Variants in ANK3 observed in about 807,000 individuals in gnomAD.
ANK3 encodes ankyrin-3.
ANK3 carries 57 observed loss-of-function variants against 370.9 expected under a neutral mutation model. The observed-to-expected ratio is 0.15, with a 90% CI of 0.12 to 0.19. The LOEUF is 0.19. Ranked by LOEUF, ANK3 falls within the 10% of genes least tolerant of loss-of-function variation. ANK3 has a pLI of 1.00. For synonymous variants in ANK3, 1,929 were observed against 1,946.3 expected (o/e 0.99, Z 0.23); for missense variants, 4,439 against 5,302.1 (o/e 0.84, Z 5.06).
intron 23 of ANK3, among the ~76,000 whole-genome samples, chr10:60,157,039 C>CTTTTT (rs201585529): frequency 7.0e-5 from 10 of 142,326 alleles, no homozygotes; most frequent in Non-Finnish European, 7.6e-5. Flanking sequence ...CTCAATGAAT[C>CTTTTT]TTTTTTTTTT....
At chr10:60,172,062 T>A (rs2095805870) in intron 21 of ANK3, among the ~76,000 whole-genome samples, 1 of 152,236 alleles carries the variant, frequency 6.6e-6, no homozygotes, top group Non-Finnish European at 1.5e-5. Context: ...TACATTTAGC[T>A]GTATATGGAA....
At chr10:60,591,453 C>T (rs1316951656) in intron 2 of ANK3, among the ~76,000 whole-genome samples, 1 of 151,880 alleles carries the variant, frequency 6.6e-6, no homozygotes, top group African/African-American at 2.4e-5. Flanking sequence ...AAATATTCTT[C>T]AAATGGATGA....
intron 2 of ANK3, among the ~76,000 whole-genome samples, chr10:60,407,717 G>T (rs1355601137): frequency 6.6e-6 from 1 of 152,144 alleles, no homozygotes. Context: ...GAGATTAAAT[G>T]ACTTTCACAT....
chr10:60,225,628 G>A (rs563761144), intron 8 of ANK3, among the ~76,000 whole-genome samples: 3 of 152,164 alleles, frequency 2.0e-5, no homozygotes, highest in African/African-American at 7.2e-5. Flanking sequence ...ATATATAGGA[G>A]GGAAAATACA....
intron 7 of ANK3, among the ~76,000 whole-genome samples, chr10:60,247,432 A>G (rs1244538942): frequency 6.6e-6 from 1 of 152,204 alleles, no homozygotes; most frequent in Non-Finnish European, 1.5e-5. Flanking sequence ...GTTCAGCAGC[A>G]TTAAGTACAC....
In ANK3 at chr10:60,650,657, G is replaced by A. The variant is rs183161157; in HGVS notation, c.58-35433C>T. The stretch of plus-strand genomic sequence containing the variant: ...CTTTGAATTAGAGGATGGAGAGACT[G>A]CTTTGTAGACCAGACACTAATCTAA... On this transcript the variant is annotated intron_variant, in intron 1 of 43. Coordinates refer to the ANK3 transcript ENST00000373827. 9.8e-5 allele frequency among the ~76,000 whole-genome samples: 15 copies of A among 152,314 alleles called. No homozygotes were observed. The East Asian group carries it at 2.3e-3, about 24-fold the overall frequency.
chr10:60,036,266 GGCT>G (rs1288623054), intron 43 of ANK3, among the ~76,000 whole-genome samples: 1 of 152,000 alleles, frequency 6.6e-6, no homozygotes, highest in East Asian at 1.9e-4. Flanking sequence ...AGCCATCACT[GGCT>G]GCTGCTGCTT....
chr10:60,094,497 C>T (rs951435223), intron 28 of ANK3, among the ~76,000 whole-genome samples: 1 of 152,062 alleles, frequency 6.6e-6, no homozygotes, highest in African/African-American at 2.4e-5. Flanking sequence ...CCCAGCCTCT[C>T]TGGTTTCTTA....
At chr10:60,347,953 G>A (rs2055998729) in intron 1 of ANK3, among the ~76,000 whole-genome samples, 1 of 152,056 alleles carries the variant, frequency 6.6e-6, no homozygotes, top group African/African-American at 2.4e-5. Flanking sequence ...GCATCAGATG[G>A]GCTCTGAGTC....
intron 2 of ANK3, among the ~76,000 whole-genome samples, chr10:60,555,448 G>A (rs2077184975): frequency 6.6e-6 from 1 of 151,650 alleles, no homozygotes; most frequent in Non-Finnish European, 1.5e-5. Flanking sequence ...ATTGCAGCCT[G>A]AGTAACAGAG....
intron 2 of ANK3, among the ~76,000 whole-genome samples, chr10:60,528,001 G>A (rs1025596644): frequency 1.8e-4 from 28 of 152,052 alleles, no homozygotes; most frequent in Non-Finnish European, 2.6e-4. Context: ...CAGATTAAAC[G>A]AAAGTCTAGA....
chr10:60,503,112 G>A (rs1400241392), intron 2 of ANK3, among the ~76,000 whole-genome samples: 1 of 152,152 alleles, frequency 6.6e-6, no homozygotes, highest in African/African-American at 2.4e-5. Flanking sequence ...CAAGTAGGTT[G>A]AATGGATTCT....
chr10:60,039,581 T>C (rs1268927841), intron 43 of ANK3, among the ~76,000 whole-genome samples: 1 of 152,224 alleles, frequency 6.6e-6, no homozygotes, highest in Admixed American at 6.5e-5. Context: ...GATCAAATAC[T>C]ATTTATTAAT....
Position 60,029,363 on chromosome 10 carries a change from A to T in ANK3, c.*483T>A, listed in dbSNP as rs2072766964. 1 of 152,580 alleles carries T rather than the reference A, an allele frequency of 6.6e-6. No individual in the cohort carries two copies. The allele number at this position is 152,580 out of a possible 1,614,324, so 9.5% of individuals were successfully genotyped here. A position where few individuals can be genotyped will look rare whatever the true frequency, so the allele number is the denominator to read the frequency against. On this transcript the variant is annotated 3_prime_UTR_variant, in exon 44 of 44. Coordinates refer to ENST00000280772, the MANE Select transcript of ANK3 (RefSeq NM_020987.5). ...TTATACAGTGTTATTATTTACAGCA[A>T]AACTATCGATGTTTTAAAAAAGAAA...
chr10:60,609,514 C>T (rs1459869989), intron 2 of ANK3, among the ~76,000 whole-genome samples: 2 of 141,184 alleles, frequency 1.4e-5, no homozygotes, highest in African/African-American at 2.6e-5. Context: ...AAAGGGTCTA[C>T]CACAAAGGGG....
intron 5 of ANK3, among the ~76,000 whole-genome samples, chr10:60,267,915 T>G (rs746090873): frequency 6.6e-6 from 1 of 152,240 alleles, no homozygotes; most frequent in Non-Finnish European, 1.5e-5. Context: ...CCCTGTCCGC[T>G]AGGACACAAT....
chr10:60,294,116 G>C (rs895273461), intron 1 of ANK3, among the ~76,000 whole-genome samples: 1 of 151,960 alleles, frequency 6.6e-6, no homozygotes, highest in Admixed American at 6.6e-5. Flanking sequence ...CTAGGTAGCA[G>C]AGAGAAGAGA....
chr10:60,037,915 T>A (rs1022924637), intron 43 of ANK3, among the ~76,000 whole-genome samples: 1 of 152,192 alleles, frequency 6.6e-6, no homozygotes, highest in Admixed American at 6.5e-5. Flanking sequence ...CCACCAATAG[T>A]GTATAAATGT....
chr10:60,675,144 T>G, intron 1 of ANK3, among the ~76,000 whole-genome samples: 1 of 152,354 alleles, frequency 6.6e-6, no homozygotes, highest in East Asian at 1.9e-4. Context: ...TCAAGTTTTA[T>G]GTTTTTACAT....
Sources: allele counts gnomAD v4.1 joint callset (sites outside exome capture counted in the v4.1 genomes callset), GRCh38; gene constraint gnomAD v4.1.1; transcripts MANE v1.5; gene names NCBI Gene and HGNC (gene_info 2026-07-23, HGNC 2026-07-21).